Variants in CYP11B1 observed in about 807,000 individuals in gnomAD.
CYP11B1 encodes the protein cytochrome P450 family 11 subfamily B member 1.
CYP11B1 carries 34 observed loss-of-function variants against 48.3 expected under a neutral mutation model. The ratio of observed to expected loss-of-function variants is 0.70; its 90% CI spans 0.54 to 0.94. The LOEUF (loss-of-function observed/expected upper bound fraction) is 0.94, where lower values mean the gene tolerates loss of function less well. Ranked by LOEUF, CYP11B1 falls within the 40% of genes least tolerant of loss-of-function variation. CYP11B1 has a pLI of 0.00. For missense variants in CYP11B1, 688 were observed against 657.4 expected (o/e 1.05, Z -0.51); for synonymous variants, 291 against 262.5 (o/e 1.11, Z -1.05).
chr8:142,877,620 G>A, intron 2 of CYP11B1: 4 of 775,480 alleles, frequency 5.2e-6, no homozygotes, highest in Non-Finnish European at 8.5e-6. Flanking sequence ...AGTGTCCTGA[G>A]GGGAGAGCCC....
Position 142,874,290 on chromosome 8 carries a change from T to G in CYP11B1, c.*83A>C. On this transcript the variant is annotated 3_prime_UTR_variant, in exon 9 of 9. Coordinates refer to ENST00000292427, the MANE Select transcript of CYP11B1 (RefSeq NM_000497.4). The stretch of plus-strand genomic sequence containing the variant: ...GAGGGGTGACTCAGGAAGCTGTGCA[T>G]GTGGGAGAGAAGAGGGGTGGCCTGG... 1.1e-6 allele frequency: 1 copy of G among 915,756 alleles called. No individual in the cohort carries two copies. Among genetic ancestry groups the G allele is most frequent in the Non-Finnish European group, 1.8e-6 (1 of 544,130 alleles). The allele number at this position is 915,756 out of a possible 1,614,324, so 56.7% of individuals were successfully genotyped here. A position where few individuals can be genotyped will look rare whatever the true frequency, so the allele number is the denominator to read the frequency against.
At position 142,874,174 on chromosome 8, in the gene CYP11B1, C is replaced by T. The variant is rs907941746; in HGVS notation, c.*199G>A. On this transcript the variant is annotated 3_prime_UTR_variant, in exon 9 of 9. Transcript: ENST00000292427. ...TGGGGACAAGGTCAGCAAGATCTTC[C>T]CCAGCTGTGCCCTGGCATTGCTGCT... 2 of 622,318 alleles carry T rather than the reference C, an allele frequency of 3.2e-6. No homozygotes were observed. Among genetic ancestry groups the T allele is most frequent in the Non-Finnish European group, 5.8e-6 (2 of 343,200 alleles). The allele number at this position is 622,318 out of a possible 1,614,324, so 38.5% of individuals were successfully genotyped here. A position where few individuals can be genotyped will look rare whatever the true frequency, so the allele number is the denominator to read the frequency against.
rs373856010 is a variant in CYP11B1, at chr8:142,877,077, G to T, written c.541C>A (p.Arg181=). The change falls in exon 3 of 9, where the codon CGG becomes AGG. Residue 181 remains arginine, a synonymous_variant. Transcript: ENST00000292427. ...ALKKKVLQNA[R]GSLTLDVQPS... The stretch of plus-strand genomic sequence containing the variant: ...TGGACGTCCAGGGTCAGGCTCCCCC[G>T]GGCGTTCTGCAGCACCTTCTTCTTC... 6.2e-7 allele frequency: 1 copy of T among 1,613,848 alleles called. No homozygotes were observed. The highest frequency in any genetic ancestry group is 8.5e-7 in the Non-Finnish European group (1 of 1,179,922).
At chr8:142,875,675 G>A (rs774232137) in intron 6 of CYP11B1, 37 bp downstream of exon 6, 2 of 1,610,740 alleles carry the variant, frequency 1.2e-6, no homozygotes, top group South Asian at 2.2e-5. Context: ...CTCCAGCAGG[G>A]GGCCAGGGCC....
At position 142,878,938 on chromosome 8, in the gene CYP11B1, C is replaced by A; in HGVS notation, c.395+94G>T. 7 of 1,544,368 alleles carry A rather than the reference C, an allele frequency of 4.5e-6. No individual in the cohort carries two copies. In the South Asian group the frequency reaches 8.2e-5, roughly 18 times the overall value. On this transcript the variant is annotated intron_variant, in intron 2 of 8. Coordinates refer to ENST00000292427, the MANE Select transcript of CYP11B1 (RefSeq NM_000497.4). ...TCACCCTCACTGCCCACCACAGGGGCCCAGGGCAGATGTGCTTTTGGGTCC... is the reference window on the plus strand; with the variant it reads ...TCACCCTCACTGCCCACCACAGGGGACCAGGGCAGATGTGCTTTTGGGTCC...
At position 142,874,424 on chromosome 8, in the gene CYP11B1, G is replaced by A; in HGVS notation, c.1461C>T (p.Phe487=). 1 of 1,614,102 alleles carries A rather than the reference G, an allele frequency of 6.2e-7. No homozygotes were observed. Among genetic ancestry groups the A allele is most frequent in the Non-Finnish European group, 8.5e-7 (1 of 1,179,968 alleles). The change falls in exon 9 of 9, where the codon TTC becomes TTT. Residue 487 remains phenylalanine, a synonymous_variant. Coordinates refer to ENST00000292427, the MANE Select transcript of CYP11B1 (RefSeq NM_000497.4). ...GGGGGAACATGCTGGGCCTCAATAT[G>A]AAGCTGTAGACCATCTTTATGTCCT... ...TQEDIKMVYS[F]ILRPSMFPLL... is the part of the protein sequence containing the mutation.
Position 142,875,858 on chromosome 8 carries a change from C to T in CYP11B1, c.975G>A (p.Met325Ile). 1 of 1,614,154 alleles carries T rather than the reference C, an allele frequency of 6.2e-7. No homozygotes were observed. Among genetic ancestry groups the T allele is most frequent in the Non-Finnish European group, 8.5e-7 (1 of 1,180,018 alleles). ...GGTTCCGAGCCAGCTCAAAGAGCGTCATCAGCAAGGGAAACACCGTCTGCA... is the reference window on the plus strand; with the variant it reads ...GGTTCCGAGCCAGCTCAAAGAGCGTTATCAGCAAGGGAAACACCGTCTGCA... ...SVDTTVFPLL[M>I]TLFELARNPN... Residue 325 changes from methionine to isoleucine, a missense_variant, in exon 6 of 9, where the codon ATG becomes ATA. Met to Ile is a conservative substitution (Grantham distance 10, BLOSUM62 1). Transcript: ENST00000292427.
rs1816883213 is a variant in CYP11B1, at chr8:142,874,876, G to A, written c.1398+81C>T. On this transcript the variant is annotated intron_variant, in intron 8 of 8. Coordinates refer to ENST00000292427, the MANE Select transcript of CYP11B1 (RefSeq NM_000497.4). ...ACATGCAGGCCACTCCCACTCTGCC[G>A]AGGCCAGTCCCACATTGCTCAAGCC... 1.9e-6 allele frequency: 3 copies of A among 1,547,548 alleles called. No individual in the cohort carries two copies. In the African/African-American group the frequency reaches 4.1e-5, roughly 21 times the overall value.
chr8:142,873,879 G>A lies in CYP11B1; in HGVS notation c.*494C>T. The A allele has an allele frequency of 4.6e-6, 1 of 216,420 alleles. No individual in the cohort carries two copies. The highest frequency in any genetic ancestry group is 9.4e-6 in the Non-Finnish European group (1 of 105,858). The allele number at this position is 216,420 out of a possible 1,614,324, so 13.4% of individuals were successfully genotyped here. ...GGGTGACAACTTTCAGAGAGCTCAG[G>A]GCATGCTCGAGCTGCCTAGGGGTCA... On this transcript the variant is annotated 3_prime_UTR_variant, in exon 9 of 9. Coordinates refer to ENST00000292427, the MANE Select transcript of CYP11B1 (RefSeq NM_000497.4).
intron 2 of CYP11B1, among the ~76,000 whole-genome samples, chr8:142,878,100 C>G (rs1407089591): frequency 2.6e-5 from 4 of 152,130 alleles, no homozygotes; most frequent in Admixed American, 1.3e-4. Flanking sequence ...CGTGCAAATG[C>G]AGGTACAGAG....
rs1367291112 is a variant in CYP11B1 at position 142,876,051 on chromosome 8, A to G, written c.955-173T>C. The stretch of plus-strand genomic sequence containing the variant: ...CCAAACCCCTTTCCCTGAGTCCTCC[A>G]CAGAAAGGAACCCCCCATTCCAACC... On this transcript the variant is annotated intron_variant, in intron 5 of 8. Coordinates refer to ENST00000292427, the MANE Select transcript of CYP11B1 (RefSeq NM_000497.4). The G allele has an allele frequency of 2.7e-6, 3 of 1,114,522 alleles. No individual in the cohort carries two copies. In the South Asian group the frequency reaches 4.3e-5, roughly 16 times the overall value. 69.0% of individuals were successfully genotyped at this position (1,114,522 alleles called of 1,614,324 possible).
intron 3 of CYP11B1, 22 bp from the exon 4 acceptor site, chr8:142,876,907 G>C (rs1169148908): frequency 1.3e-5 from 21 of 1,613,898 alleles, no homozygotes; most frequent in Non-Finnish European, 1.8e-5. Flanking sequence ...ATGCACTGCT[G>C]AGCACAAGGC....
Position 142,874,332 on chromosome 8 carries a change from A to C in CYP11B1, c.*41T>G. 1.4e-6 allele frequency: 2 copies of C among 1,414,730 alleles called. No homozygotes were observed. Among genetic ancestry groups the C allele is most frequent in the South Asian group, 2.3e-5 (2 of 87,084 alleles). The allele number at this position is 1,414,730 out of a possible 1,614,324, so 87.6% of individuals were successfully genotyped here. A position where few individuals can be genotyped will look rare whatever the true frequency, so the allele number is the denominator to read the frequency against. ...GTGGCCTGGGGTCAGGCAGAAAGGG[A>C]GGCTGGTGGCCAGGCTGGGACCCTG... On this transcript the variant is annotated 3_prime_UTR_variant, in exon 9 of 9. Coordinates refer to ENST00000292427, the MANE Select transcript of CYP11B1 (RefSeq NM_000497.4).
chr8:142,879,518 C>T (rs774609209), intron 1 of CYP11B1, 57 bp downstream of exon 1: 5 of 1,614,146 alleles, frequency 3.1e-6, no homozygotes, highest in Non-Finnish European at 4.2e-6. Context: ...CGGCAGGGTC[C>T]TGGGCAGCAA....
intron 8 of CYP11B1, 91 bp from the exon 9 acceptor site, chr8:142,874,577 G>A (rs527745692): frequency 1.1e-6 from 1 of 904,638 alleles, no homozygotes; most frequent in African/African-American, 1.6e-5. Context: ...CAGAGATTAT[G>A]CTGAAGGGGG....
intron 1 of CYP11B1, 134 bp from the exon 2 acceptor site, chr8:142,879,321 T>C: frequency 6.2e-7 from 1 of 1,606,026 alleles, no homozygotes; most frequent in Non-Finnish European, 8.5e-7. Context: ...AAAGCCCTCT[T>C]GCTGACTGCC....
In CYP11B1 at chr8:142,876,352, G is replaced by T; in HGVS notation, c.843C>A (p.Ser281Arg). The T allele has an allele frequency of 1.9e-6, 3 of 1,614,130 alleles. No homozygotes were observed. In the South Asian group the frequency reaches 3.3e-5, roughly 18 times the overall value. Residue 281 changes from serine (S) to arginine (R), a missense_variant, in exon 5 of 9, where the codon AGC (serine) becomes AGA (arginine). Ser to Arg is a moderately radical substitution (Grantham distance 110, BLOSUM62 -1). Transcript: ENST00000292427. ...CGATGCTGGTGTACTGTTGAGGGCG[G>T]CTGAAGGCCAGTTCCTGATAGATTT... ...IQKIYQELAF[S>R]RPQQYTSIVA...
rs1816869887 is a variant in CYP11B1, at chr8:142,874,499, C to T, written c.1399-13G>A. ...GGTGTTTCAGCACCTAGGACAGAAG[C>T]CGGGTTTCCATCTGGCTTGGTCCGC... On this transcript the variant is annotated splice_polypyrimidine_tract_variant and intron_variant, in intron 8 of 8. Transcript: ENST00000292427. 1 of 1,592,036 alleles carries T rather than the reference C, an allele frequency of 6.3e-7. No individual in the cohort carries two copies. Among genetic ancestry groups the T allele is most frequent in the Non-Finnish European group, 8.6e-7 (1 of 1,159,898 alleles).
rs61751140 is a variant in CYP11B1 at position 142,879,023 on chromosome 8, G to T, written c.395+9C>A. 6.2e-7 allele frequency: 1 copy of T among 1,613,928 alleles called. No individual in the cohort carries two copies. The highest frequency in any genetic ancestry group is 8.5e-7 in the Non-Finnish European group (1 of 1,179,982). The stretch of plus-strand genomic sequence containing the variant: ...CCACCCTGCTCCCAGCTCTCAGCTC[G>T]CCGCTTACAGCAAGAACACGCCACA... On this transcript the variant is annotated intron_variant, in intron 2 of 8. Coordinates refer to ENST00000292427, the MANE Select transcript of CYP11B1 (RefSeq NM_000497.4).
Sources: allele counts gnomAD v4.1 joint callset (sites outside exome capture counted in the v4.1 genomes callset), GRCh38; gene constraint gnomAD v4.1.1; transcripts MANE v1.5; gene names NCBI Gene and HGNC (gene_info 2026-07-23, HGNC 2026-07-21).